The following SLC7A2 variants were observed in gnomAD, a reference collection of about 807,000 sequenced individuals.
The protein encoded by SLC7A2 is cationic amino acid transporter 2.
Under a neutral mutation model 58.9 loss-of-function variants are expected in SLC7A2, and 48 were observed. The observed-to-expected ratio is 0.82, with a 90% confidence interval of 0.65 to 1.04. SLC7A2 has a LOEUF of 1.04. SLC7A2 is among the 50% of genes least tolerant of loss of function. The pLI is 0.00. For missense variants in SLC7A2, 1,029 were observed against 818.8 expected, an observed-to-expected ratio of 1.26 and a Z score of -3.13; for synonymous variants, 363 against 314.5, an observed-to-expected ratio of 1.15 and a Z score of -1.63.
chr8:17,561,150 GA>G (rs1369600983), intron 10 of SLC7A2, among the ~76,000 whole-genome samples: 1 of 152,168 alleles, frequency 6.6e-6, no homozygotes, highest in African/African-American at 2.4e-5. Context: ...CTAAAACAAG[GA>G]GAAAAGATGC....
At chr8:17,515,305 T>C (rs558239166) in intron 2 of SLC7A2, among the ~76,000 whole-genome samples, 16 of 152,014 alleles carry the variant, frequency 1.1e-4, no homozygotes, top group Admixed American at 4.6e-4. Flanking sequence ...TTTTCTTTTT[T>C]TTTTTTTTTA....
chr8:17,507,724 AATTT>A (rs1356856247), intron 2 of SLC7A2, among the ~76,000 whole-genome samples: 1 of 152,232 alleles, frequency 6.6e-6, no homozygotes, highest in African/African-American at 2.4e-5. Context: ...AAACTCTGTT[AATTT>A]AACAATAACA....
At position 17,569,379 on chromosome 8, in the gene SLC7A2, C is replaced by T. The variant is rs542815065; in HGVS notation, c.*4233C>T. On this transcript the variant is annotated 3_prime_UTR_variant, in exon 13 of 13. Transcript: ENST00000494857. ...TGCTAGTGCCAAAACAGTGCCTTCT[C>T]TGCACACTTTACTTGTTTATAAAGT... 1 of 152,190 alleles carries T rather than the reference C, an allele frequency of 6.6e-6. No homozygotes were observed. Among genetic ancestry groups the T allele is most frequent in the African/African-American group, 2.4e-5 (1 of 41,444 alleles). 9.4% of individuals were successfully genotyped at this position (152,190 alleles called of 1,614,324 possible). A position where few individuals can be genotyped will look rare whatever the true frequency, so the allele number is the denominator to read the frequency against.
At chr8:17,520,154 T>C (rs916101384) in intron 2 of SLC7A2, among the ~76,000 whole-genome samples, 23 of 152,202 alleles carry the variant, frequency 1.5e-4, no homozygotes, top group African/African-American at 5.3e-4. Context: ...TCTTGAAACA[T>C]AGGTTATGTG....
rs1008250074 is a variant in SLC7A2 at position 17,521,476 on chromosome 8, G to T, written c.-23+19174G>T. Among the ~76,000 whole-genome samples the T allele has an allele frequency of 3.7e-4, 56 of 152,324 alleles. 1 individual carries two copies. Among genetic ancestry groups the T allele is most frequent in the African/African-American group, 1.3e-3 (54 of 41,568 alleles). Reference sequence around the variant, plus strand: ...AATTTCTGTAAACGTCTTGGTTAAGGAATTACACTGAGGGAGTTCTGATGT... The same window carrying T: ...AATTTCTGTAAACGTCTTGGTTAAGTAATTACACTGAGGGAGTTCTGATGT... On this transcript the variant is annotated intron_variant, in intron 2 of 12. Transcript: ENST00000494857.
intron 2 of SLC7A2, among the ~76,000 whole-genome samples, chr8:17,528,504 C>T (rs564094340): frequency 6.6e-6 from 1 of 152,180 alleles, no homozygotes; most frequent in South Asian, 2.1e-4. Flanking sequence ...CCCACTTGAG[C>T]CTCCCCACAG....
At chr8:17,550,280 T>C (rs1802383689) in intron 5 of SLC7A2, 21 bp from the exon 6 acceptor site, 1 of 1,609,106 alleles carries the variant, frequency 6.2e-7, no homozygotes, top group South Asian at 1.1e-5. Context: ...GACTTTCCAA[T>C]GTGTTTGTTC....
At chr8:17,505,610 A>G (rs1340389945) in intron 2 of SLC7A2, among the ~76,000 whole-genome samples, 1 of 152,214 alleles carries the variant, frequency 6.6e-6, no homozygotes, top group Non-Finnish European at 1.5e-5. Context: ...TGGGCCAGAA[A>G]CAAATTTACT....
chr8:17,553,036 C>G (rs1291752016), intron 7 of SLC7A2, among the ~76,000 whole-genome samples: 1 of 152,120 alleles, frequency 6.6e-6, no homozygotes, highest in Non-Finnish European at 1.5e-5. Context: ...CTTGGTTTCT[C>G]AGCCATCTGC....
chr8:17,558,282 C>T lies in SLC7A2; in HGVS notation c.1196-13C>T. ...GGGCCGTTTACTTCACCGTTCTTTT[C>T]TTCTCCCCCTAGCTTTGATGGCCTT... On this transcript the variant is annotated splice_polypyrimidine_tract_variant and intron_variant, in intron 8 of 12. Transcript: ENST00000494857. 1.3e-6 allele frequency: 2 copies of T among 1,585,086 alleles called. No individual in the cohort carries two copies. Among genetic ancestry groups the T allele is most frequent in the Non-Finnish European group, 1.7e-6 (2 of 1,154,574 alleles).
intron 7 of SLC7A2, 95 bp from the exon 8 acceptor site, chr8:17,554,465 G>T: frequency 1.0e-6 from 1 of 1,003,520 alleles, no homozygotes; most frequent in Non-Finnish European, 1.4e-6. Context: ...AATTACAACT[G>T]TCATGCTGAA....
In SLC7A2 at chr8:17,568,582, A is replaced by G. The variant is rs1045835186; in HGVS notation, c.*3436A>G. 2 of 152,146 alleles carry G rather than the reference A, an allele frequency of 1.3e-5. No individual in the cohort carries two copies. The highest frequency in any genetic ancestry group is 4.8e-5 in the African/African-American group (2 of 41,450). 9.4% of individuals were successfully genotyped at this position (152,146 alleles called of 1,614,324 possible). A position where few individuals can be genotyped will look rare whatever the true frequency, so the allele number is the denominator to read the frequency against. On this transcript the variant is annotated 3_prime_UTR_variant, in exon 13 of 13. Coordinates refer to ENST00000494857, the MANE Select transcript of SLC7A2 (RefSeq NM_001370338.1). Reference sequence around the variant, plus strand: ...ATTTGTTTTCTTTTAATTTCTATGAATAAAAGAAATTTTTAAAAACTTTAA... The same window carrying G: ...ATTTGTTTTCTTTTAATTTCTATGAGTAAAAGAAATTTTTAAAAACTTTAA...
At position 17,565,024 on chromosome 8, in the gene SLC7A2, G is replaced by A. The variant is rs747875628; in HGVS notation, c.1855G>A (p.Asp619Asn). 4.3e-6 allele frequency: 7 copies of A among 1,613,592 alleles called. No individual in the cohort carries two copies. The African/African-American group carries it at 5.3e-5, about 12-fold the overall frequency. The change falls in exon 13 of 13, where the codon GAT (aspartate) becomes AAT (asparagine). Residue 619 changes from aspartate to asparagine, a missense_variant. Coordinates refer to ENST00000494857, the MANE Select transcript of SLC7A2 (RefSeq NM_001370338.1). ...GHLRDENNEE[D>N]AYPDNVHAAA... ...TCTGAGAGATGAAAACAATGAAGAA[G>A]ATGCTTATCCAGACAACGTTCATGC...
intron 4 of SLC7A2, among the ~76,000 whole-genome samples, chr8:17,545,688 A>G (rs144491569): frequency 0.015 from 2,346 of 152,056 alleles, 53 homozygotes; most frequent in South Asian, 0.11. Context: ...GTGAGCCACC[A>G]TGCCTGGCCA....
At chr8:17,514,862 A>C (rs1484120947) in intron 2 of SLC7A2, among the ~76,000 whole-genome samples, 1 of 152,230 alleles carries the variant, frequency 6.6e-6, no homozygotes, top group Non-Finnish European at 1.5e-5. Flanking sequence ...GAGAAAGATA[A>C]AATCTTCTCT....
At position 17,517,073 on chromosome 8, in the gene SLC7A2, T is replaced by C. The variant is rs369481322; in HGVS notation, c.-23+14771T>C. 1.1e-4 allele frequency among the ~76,000 whole-genome samples: 17 copies of C among 152,212 alleles called. No individual in the cohort carries two copies. The East Asian group carries it at 1.2e-3, about 10-fold the overall frequency. On this transcript the variant is annotated intron_variant, in intron 2 of 12. Coordinates refer to ENST00000494857, the MANE Select transcript of SLC7A2 (RefSeq NM_001370338.1). ...GGGAATTCTATACGAAAAGTTCAAA[T>C]GATGTATTAAATATGGATCCAATAT...
rs1021067426 is a variant in SLC7A2 at position 17,507,912 on chromosome 8, G to A, written c.-23+5610G>A. On this transcript the variant is annotated intron_variant, in intron 2 of 12. Coordinates refer to ENST00000494857, the MANE Select transcript of SLC7A2 (RefSeq NM_001370338.1). ...TAATATATTTGGATAAGCTATTTTC[G>A]TAGAGTGACATTCTTATGATATGAA... is the stretch of plus-strand genomic sequence containing the variant. Among the ~76,000 whole-genome samples the A allele has an allele frequency of 6.6e-5, 10 of 152,036 alleles. No homozygotes were observed. In the East Asian group the frequency reaches 7.7e-4, roughly 12 times the overall value.
At chr8:17,511,683 T>C (rs531175964) in intron 2 of SLC7A2, among the ~76,000 whole-genome samples, 1 of 152,350 alleles carries the variant, frequency 6.6e-6, no homozygotes, top group East Asian at 1.9e-4. Flanking sequence ...CAGAAATAAC[T>C]GAAGGTGACG....
At chr8:17,513,541 A>T (rs546340581) in intron 2 of SLC7A2, among the ~76,000 whole-genome samples, 3 of 152,316 alleles carry the variant, frequency 2.0e-5, no homozygotes, top group South Asian at 2.1e-4. Flanking sequence ...TATTTTTCTC[A>T]TTTCAGTAAA....
Sources: gnomAD v4.1 joint callset for allele counts (sites outside exome capture counted in the v4.1 genomes callset) on GRCh38, gnomAD v4.1.1 for gene constraint, MANE v1.5 for transcripts, NCBI Gene and HGNC (gene_info 2026-07-23, HGNC 2026-07-21) for gene names.